TSHZ2: variants seen among roughly 807,000 people sequenced by gnomAD.
TSHZ2 encodes the protein teashirt homolog 2.
TSHZ2 carries 21 observed loss-of-function variants against 74.4 expected under a neutral mutation model. That is an observed-to-expected ratio of 0.28 (90% confidence interval 0.20 to 0.41). The LOEUF (loss-of-function observed/expected upper bound fraction) is 0.41. TSHZ2 is among the 10% of genes least tolerant of loss of function. The probability of loss-of-function intolerance (pLI) is 1.00; values close to 1 mark genes in which losing one functional copy is unlikely to be tolerated. For synonymous variants in TSHZ2, 540 were observed against 515.3 expected (o/e 1.05, Z -0.65); for missense variants, 1,244 against 1,293.5 (o/e 0.96, Z 0.59).
intron 2 of TSHZ2, among the ~76,000 whole-genome samples, chr20:53,340,232 G>C (rs2145566736): frequency 8.1e-6 from 1 of 123,808 alleles, no homozygotes; most frequent in East Asian, 2.6e-4. Context: ...ACCCAGGCTG[G>C]AGTGCAGTGG....
At position 53,490,841 on chromosome 20, in the gene TSHZ2, T is replaced by C. The variant is rs1986428139; in HGVS notation, c.*3706T>C. ...GTGTATTCATATATATGTGTATACA[T>C]ATGAATTTCACTGTTATTTTCCAGG... On this transcript the variant is annotated 3_prime_UTR_variant, in exon 3 of 3. Transcript: ENST00000371497. 1 of 152,244 alleles carries C rather than the reference T, an allele frequency of 6.6e-6. No homozygotes were observed. Among genetic ancestry groups the C allele is most frequent in the African/African-American group, 2.4e-5 (1 of 41,468 alleles). The allele number at this position is 152,244 out of a possible 1,614,324, so 9.4% of individuals were successfully genotyped here. A position where few individuals can be genotyped will look rare whatever the true frequency, so the allele number is the denominator to read the frequency against.
intron 2 of TSHZ2, among the ~76,000 whole-genome samples, chr20:53,376,076 T>G (rs1981647773): frequency 6.6e-6 from 1 of 152,164 alleles, no homozygotes; most frequent in Admixed American, 6.5e-5. Context: ...AAGACCACCC[T>G]AAGAAATTGA....
At chr20:53,174,245 G>C (rs1988271024) in intron 1 of TSHZ2, among the ~76,000 whole-genome samples, 1 of 152,204 alleles carries the variant, frequency 6.6e-6, no homozygotes, top group Non-Finnish European at 1.5e-5. Context: ...TAAGGGGAAA[G>C]TTGGCCCCTT....
intron 2 of TSHZ2, among the ~76,000 whole-genome samples, chr20:53,387,293 G>C (rs1467348663): frequency 1.3e-5 from 2 of 152,206 alleles, no homozygotes; most frequent in Admixed American, 6.5e-5. Flanking sequence ...AATGCCACTG[G>C]AAGTTTCTTC....
intron 1 of TSHZ2, among the ~76,000 whole-genome samples, chr20:53,190,506 G>A (rs1988714090): frequency 1.3e-5 from 2 of 151,950 alleles, no homozygotes; most frequent in African/African-American, 4.8e-5. Context: ...GTGTGCAGAG[G>A]TGCCGTTTTC....
At chr20:53,145,664 A>G (rs1016974756) in intron 1 of TSHZ2, among the ~76,000 whole-genome samples, 12 of 152,166 alleles carry the variant, frequency 7.9e-5, no homozygotes, top group Non-Finnish European at 4.4e-5. Context: ...TTTTTAACCA[A>G]ATCTTCATCT....
At chr20:53,137,121 A>G (rs1987265105) in intron 1 of TSHZ2, among the ~76,000 whole-genome samples, 1 of 152,030 alleles carries the variant, frequency 6.6e-6, no homozygotes, top group Non-Finnish European at 1.5e-5. Context: ...ACCTACTTCA[A>G]TTTCCCACTG....
At chr20:53,039,781 AACACACAC>A (rs61356112) in intron 1 of TSHZ2, among the ~76,000 whole-genome samples, 9,224 of 149,570 alleles carry the variant, frequency 0.062, 324 homozygotes, top group Non-Finnish European at 0.067. Flanking sequence ...CTCCATCTCA[AACACACAC>A]ACACACACAC....
intron 2 of TSHZ2, among the ~76,000 whole-genome samples, chr20:53,325,094 C>T (rs914524346): frequency 2.6e-5 from 4 of 152,176 alleles, no homozygotes; most frequent in East Asian, 1.9e-4. Context: ...AACTGTCTTA[C>T]GAACACAGGG....
rs6097319 is a variant in TSHZ2, at chr20:53,255,499, G to A, written c.2041G>A (p.Ala681Thr). The change falls in exon 2 of 3, where the codon GCC becomes ACC. Residue 681 changes from alanine (A) to threonine (T), a missense_variant. Ala to Thr is a moderately conservative substitution (Grantham distance 58). Transcript: ENST00000371497. This position sits in a 1 kb window ranked among gnomAD's most constrained non-coding sequence, Gnocchi z 4.1. ...CACATCTGCTCTGAGCAATGGGTGCGCCCTCGCCAACCACGCCCCGGCCCT... is the reference window on the plus strand; with the variant it reads ...CACATCTGCTCTGAGCAATGGGTGCACCCTCGCCAACCACGCCCCGGCCCT... ...EPTSALSNGC[A>T]LANHAPALPC... 0.01 allele frequency: 16,683 copies of A among 1,594,956 alleles called. 1,544 individuals are homozygous for A. The African/African-American group carries it at 0.2, about 19-fold the overall frequency.
chr20:53,406,132 A>G (rs1021410261), intron 2 of TSHZ2, among the ~76,000 whole-genome samples: 6 of 146,940 alleles, frequency 4.1e-5, no homozygotes, highest in Admixed American at 2.1e-4. Flanking sequence ...TGAAAGAGCA[A>G]GAGAGGATCA....
At chr20:52,997,265 G>C (rs1033499851) in intron 1 of TSHZ2, among the ~76,000 whole-genome samples, 1 of 149,796 alleles carries the variant, frequency 6.7e-6, no homozygotes, top group African/African-American at 2.5e-5. Context: ...GCCCCGGGGG[G>C]GGGTTCAGCA....
chr20:53,054,848 A>G (rs182550141), intron 1 of TSHZ2, among the ~76,000 whole-genome samples: 55 of 152,222 alleles, frequency 3.6e-4, no homozygotes, highest in African/African-American at 1.3e-3. Flanking sequence ...AGGATCCACA[A>G]AACCAGCAGG....
At chr20:53,431,383 G>A (rs1245232179) in intron 2 of TSHZ2, among the ~76,000 whole-genome samples, 1 of 151,918 alleles carries the variant, frequency 6.6e-6, no homozygotes, top group African/African-American at 2.4e-5. Flanking sequence ...TTGAACCCAG[G>A]AGGCAGAGGT....
intron 1 of TSHZ2, among the ~76,000 whole-genome samples, chr20:53,190,122 TATATATA>T (rs1988698782): frequency 1.1e-5 from 1 of 94,674 alleles, no homozygotes; most frequent in Admixed American, 1.2e-4. Context: ...TATATATATA[TATATATA>T]TATATATATT....
chr20:53,077,913 TCTC>T (rs1304389994), intron 1 of TSHZ2, among the ~76,000 whole-genome samples: 3 of 152,226 alleles, frequency 2.0e-5, no homozygotes, highest in African/African-American at 4.8e-5. Context: ...AACACTCTAA[TCTC>T]CTCTGAGTAC....
Position 53,341,460 on chromosome 20 carries a change from T to C in TSHZ2, c.*8+84889T>C, listed in dbSNP as rs1393946164. ...GGTTGGCCACCCTTGCTAAGGCTTT[T>C]CATGCATTATCTCTTTCTGTCTTTT... On this transcript the variant is annotated intron_variant, in intron 2 of 2. Coordinates refer to ENST00000371497, the MANE Select transcript of TSHZ2 (RefSeq NM_173485.6). 2.6e-5 allele frequency among the ~76,000 whole-genome samples: 4 copies of C among 152,152 alleles called. No individual in the cohort carries two copies. The East Asian group carries it at 5.8e-4, about 22-fold the overall frequency.
At chr20:53,108,771 A>G (rs1986449988) in intron 1 of TSHZ2, among the ~76,000 whole-genome samples, 1 of 152,212 alleles carries the variant, frequency 6.6e-6, no homozygotes, top group African/African-American at 2.4e-5. Context: ...AAGAATCTGT[A>G]TCACATCCTC....
At chr20:53,306,337 C>T (rs546868033) in intron 2 of TSHZ2, among the ~76,000 whole-genome samples, 1 of 152,272 alleles carries the variant, frequency 6.6e-6, no homozygotes, top group East Asian at 1.9e-4. Context: ...TCAGCCACAC[C>T]TAGATGAAAG....
Sources: gnomAD v4.1 joint callset for allele counts (sites outside exome capture counted in the v4.1 genomes callset) on GRCh38, gnomAD v4.1.1 for gene constraint, Gnocchi (gnomAD v3.1) non-coding constraint, MANE v1.5 for transcripts, NCBI Gene and HGNC (gene_info 2026-07-23, HGNC 2026-07-21) for gene names.